The following GABRA3 variants were observed in gnomAD, a reference collection of about 807,000 sequenced individuals.
GABRA3 encodes the protein gamma-aminobutyric acid receptor subunit alpha-3.
A neutral mutation model predicts 30.1 loss-of-function variants in GABRA3; 10 were observed. The ratio of observed to expected loss-of-function variants is 0.33; its 90% CI spans 0.20 to 0.56. GABRA3 has a LOEUF of 0.56. GABRA3 is among the 20% of genes least tolerant of loss of function. The pLI is 0.89. For synonymous variants in GABRA3, 151 were observed against 146.8 expected (o/e 1.03, Z -0.21); for missense variants, 233 against 392.0 (o/e 0.59, Z 3.42).
At chrX:152,363,339 G>A (rs929721233) in intron 2 of GABRA3, among the ~76,000 whole-genome samples, 1 of 111,614 alleles carries the variant, frequency 9.0e-6, no homozygotes, top group African/African-American at 3.3e-5. Flanking sequence ...TACTATTCTC[G>A]GATCCCTTTA....
intron 5 of GABRA3, among the ~76,000 whole-genome samples, chrX:152,246,127 A>G (rs1412618758): frequency 9.0e-6 from 1 of 111,607 alleles, no homozygotes; most frequent in Admixed American, 9.5e-5. Flanking sequence ...ATTCACACCC[A>G]TGGCTCTTAA....
chrX:152,331,065 G>T (rs1459304435), intron 3 of GABRA3, among the ~76,000 whole-genome samples: 1 of 109,495 alleles, frequency 9.1e-6, no homozygotes, highest in East Asian at 2.9e-4. Context: ...TGAGAAGACA[G>T]TGATCAGGAC....
intron 5 of GABRA3, among the ~76,000 whole-genome samples, chrX:152,237,030 T>A (rs12389253): frequency 2.8e-5 from 3 of 107,942 alleles, no homozygotes; most frequent in East Asian, 6.1e-4. Flanking sequence ...TTGGCTTTTG[T>A]TGCCATTGCT....
At chrX:152,241,342 T>G (rs1217415511) in intron 5 of GABRA3, among the ~76,000 whole-genome samples, 1 of 93,195 alleles carries the variant, frequency 1.1e-5, no homozygotes, top group East Asian at 3.0e-4. Context: ...GGGACCCACT[T>G]GAGGAGGCAG....
intron 1 of GABRA3, among the ~76,000 whole-genome samples, chrX:152,444,845 A>G (rs2124555062): frequency 2.3e-5 from 2 of 88,297 alleles, no homozygotes; most frequent in South Asian, 1.3e-3. Context: ...GCGGATCACG[A>G]GGTCAGGAGA....
rs367714748 is a variant in GABRA3 at position 152,349,573 on chromosome X, A to C, written c.141-3871T>G. Among the ~76,000 whole-genome samples, 28 of 108,919 alleles carry C rather than the reference A, an allele frequency of 2.6e-4. 1 individual carries two copies. In the South Asian group the frequency reaches 0.01, roughly 40 times the overall value. 94.6% of individuals were successfully genotyped at this position (108,919 alleles called of 115,157 possible). A position where few individuals can be genotyped will look rare whatever the true frequency, so the allele number is the denominator to read the frequency against. ...ATTCAGGAAACCCATCTCACGTGCAAAGACACACATAGGCTCAAAATAAAA... is the reference window on the plus strand; with the variant it reads ...ATTCAGGAAACCCATCTCACGTGCACAGACACACATAGGCTCAAAATAAAA... On this transcript the variant is annotated intron_variant, in intron 2 of 9. Transcript: ENST00000370314.
At chrX:152,192,098 A>G (rs1241515417) in intron 8 of GABRA3, among the ~76,000 whole-genome samples, 3 of 112,174 alleles carry the variant, frequency 2.7e-5, no homozygotes, top group Non-Finnish European at 5.6e-5. Flanking sequence ...TTGCAACATA[A>G]GTGTTTCTGT....
Position 152,374,630 on chromosome X carries a change from G to A in GABRA3, c.-26-10034C>T, listed in dbSNP as rs111547350. On this transcript the variant is annotated intron_variant, in intron 1 of 9. Transcript: ENST00000370314. ...CTCTCAAAGTGTTGGGATTACAGGC[G>A]TGAGCCACCGCGCTTGGCCCAATTT... Among the ~76,000 whole-genome samples, 563 of 111,674 alleles carry A rather than the reference G, an allele frequency of 5.0e-3. 5 individuals carry two copies. Among genetic ancestry groups the A allele is most frequent in the African/African-American group, 0.018 (546 of 30,767 alleles).
chrX:152,251,894 A>G (rs1458877144), intron 5 of GABRA3, among the ~76,000 whole-genome samples: 2 of 110,569 alleles, frequency 1.8e-5, no homozygotes, highest in Non-Finnish European at 3.8e-5. Flanking sequence ...ATAACCTCAT[A>G]ACCTTTCATG....
chrX:152,334,389 C>T (rs1940203615), intron 3 of GABRA3, among the ~76,000 whole-genome samples: 1 of 111,577 alleles, frequency 9.0e-6, no homozygotes, highest in South Asian at 3.8e-4. Context: ...AAAAGAGCAT[C>T]CATATTGCAC....
intron 6 of GABRA3, among the ~76,000 whole-genome samples, chrX:152,212,674 G>A (rs1360494860): frequency 8.9e-6 from 1 of 111,840 alleles, no homozygotes; most frequent in African/African-American, 3.3e-5. Context: ...TGAACTGAGT[G>A]GGACAGAGCG....
chrX:152,379,220 AAAATC>A (rs1271902294), intron 1 of GABRA3, among the ~76,000 whole-genome samples: 2 of 111,855 alleles, frequency 1.8e-5, no homozygotes, highest in East Asian at 5.6e-4. Flanking sequence ...GGCTATAAAG[AAAATC>A]ACAACAAATT....
intron 1 of GABRA3, among the ~76,000 whole-genome samples, chrX:152,425,053 C>G (rs1297358341): frequency 4.8e-5 from 5 of 104,431 alleles, no homozygotes; most frequent in Non-Finnish European, 5.9e-5. Context: ...ACTCTCCCAC[C>G]TCTGCCTCCT....
intron 4 of GABRA3, among the ~76,000 whole-genome samples, chrX:152,280,782 C>G (rs1939185441): frequency 9.0e-6 from 1 of 111,165 alleles, no homozygotes; most frequent in Non-Finnish European, 1.9e-5. Flanking sequence ...ACTAGTGGCA[C>G]TAGCTGGCAC....
At chrX:152,325,230 T>A (rs896187922) in intron 3 of GABRA3, among the ~76,000 whole-genome samples, 16 of 112,049 alleles carry the variant, frequency 1.4e-4, no homozygotes, top group Non-Finnish European at 3.0e-4. Context: ...ATATGAAAAC[T>A]GTTTCCTGGA....
intron 5 of GABRA3, among the ~76,000 whole-genome samples, chrX:152,239,346 G>A (rs1031610330): frequency 9.3e-5 from 10 of 107,440 alleles, no homozygotes; most frequent in African/African-American, 2.8e-4. Flanking sequence ...TGATTGCACT[G>A]TGGTCTGAGA....
At chrX:152,218,434 A>T (rs1054086636) in intron 6 of GABRA3, among the ~76,000 whole-genome samples, 4 of 110,811 alleles carry the variant, frequency 3.6e-5, no homozygotes, top group Non-Finnish European at 7.6e-5. Context: ...GTTCAGTCTT[A>T]TGTTGTTTGG....
At chrX:152,193,610 C>T (rs1425144531) in intron 8 of GABRA3, among the ~76,000 whole-genome samples, 1 of 112,723 alleles carries the variant, frequency 8.9e-6, no homozygotes, top group Non-Finnish European at 1.9e-5. Context: ...CATTGCCAAA[C>T]TGTTTTCTAA....
In GABRA3 at chrX:152,243,841, T is replaced by C. The variant is rs772992408; in HGVS notation, c.551+11937A>G. ...TTTGAAACATTTGGTCCAGCAATTATGCTATGCCATCTCATTGGGTTCAAA... is the reference window on the plus strand; with the variant it reads ...TTTGAAACATTTGGTCCAGCAATTACGCTATGCCATCTCATTGGGTTCAAA... On this transcript the variant is annotated intron_variant, in intron 5 of 9. Coordinates refer to ENST00000370314, the MANE Select transcript of GABRA3 (RefSeq NM_000808.4). Among the ~76,000 whole-genome samples, 106 of 112,256 alleles carry C rather than the reference T, an allele frequency of 9.4e-4. 1 individual carries two copies. The highest frequency in any genetic ancestry group is 3.2e-3 in the African/African-American group (100 of 30,927).
Sources: allele counts gnomAD v4.1 joint callset (sites outside exome capture counted in the v4.1 genomes callset), GRCh38; gene constraint gnomAD v4.1.1; transcripts MANE v1.5; gene names NCBI Gene and HGNC (gene_info 2026-07-23, HGNC 2026-07-21).